Variants in TDRP observed in about 807,000 individuals in gnomAD.
The protein encoded by TDRP is testis development related protein.
A neutral mutation model predicts 10.5 loss-of-function variants in TDRP; 12 were observed. The ratio of observed to expected loss-of-function variants is 1.15; its 90% CI spans 0.73 to 1.86. The LOEUF is 1.86. TDRP is among the 40% of genes most tolerant of loss of function. The pLI is 0.00. For synonymous variants in TDRP, 139 were observed against 95.4 expected (o/e 1.46, Z -2.67); for missense variants, 353 against 229.2 (o/e 1.54, Z -3.49).
At chr8:525,377 A>T (rs1208024206) in intron 1 of TDRP, among the ~76,000 whole-genome samples, 1 of 152,208 alleles carries the variant, frequency 6.6e-6, no homozygotes, top group Non-Finnish European at 1.5e-5. Context: ...AAGGTACAAA[A>T]CTTACTGGTA....
chr8:506,675 G>C (rs1039647517), intron 1 of TDRP, among the ~76,000 whole-genome samples: 8 of 152,182 alleles, frequency 5.3e-5, no homozygotes, highest in South Asian at 2.1e-4. Flanking sequence ...GAGCAGGACT[G>C]TCACTCGGAG....
rs141869291 is a variant in TDRP at position 522,760 on chromosome 8, T to A, written c.108+21890A>T. On this transcript the variant is annotated intron_variant, in intron 1 of 2. Coordinates refer to ENST00000324079, the MANE Select transcript of TDRP (RefSeq NM_001384899.1). ...ACCCCTGCCTCTGATTCCTCAATTA[T>A]CCCACAGCAATTACATAGTCCTTCT... Among the ~76,000 whole-genome samples, 8 of 152,344 alleles carry A rather than the reference T, an allele frequency of 5.3e-5. No homozygotes were observed. The East Asian group carries it at 1.5e-3, about 29-fold the overall frequency.
At chr8:518,882 G>C (rs564679189) in intron 1 of TDRP, among the ~76,000 whole-genome samples, 1 of 152,084 alleles carries the variant, frequency 6.6e-6, no homozygotes, top group Non-Finnish European at 1.5e-5. Context: ...TCAATGTTTA[G>C]TCTTTATCCT....
At chr8:542,213 G>A (rs1584887965) in intron 1 of TDRP, among the ~76,000 whole-genome samples, 1 of 152,132 alleles carries the variant, frequency 6.6e-6, no homozygotes, top group African/African-American at 2.4e-5. Context: ...AAACTATGGC[G>A]ACAGTACAAA....
intron 1 of TDRP, among the ~76,000 whole-genome samples, chr8:533,452 T>G (rs1802262261): frequency 6.6e-6 from 1 of 152,112 alleles, no homozygotes. Context: ...AGGCACCAAC[T>G]CTGATCAGCA....
Position 544,768 on chromosome 8 carries a change from G to GCT in TDRP, c.-13_-12dup, listed in dbSNP as rs1446793683. The GCT allele has an allele frequency of 1.6e-6, 2 of 1,232,906 alleles. No individual in the cohort carries two copies. The highest frequency in any genetic ancestry group is 3.1e-5 in the African/African-American group (2 of 64,146). 76.4% of individuals were successfully genotyped at this position (1,232,906 alleles called of 1,614,324 possible). A position where few individuals can be genotyped will look rare whatever the true frequency, so the allele number is the denominator to read the frequency against. On this transcript the variant is annotated 5_prime_UTR_variant, in exon 1 of 3. Transcript: ENST00000324079. ...GCCCAGCTTCCACATGGTCAGGCGGGCTCCGGCGTCCCTCCGTCCGTGCGT... is the reference window on the plus strand; with the variant it reads ...GCCCAGCTTCCACATGGTCAGGCGGGCTCTCCGGCGTCCCTCCGTCCGTGCGT...
rs180863596 is a variant in TDRP at position 508,991 on chromosome 8, G to A, written c.109-14394C>T. 7.1e-4 allele frequency among the ~76,000 whole-genome samples: 108 copies of A among 152,340 alleles called. No homozygotes were observed. In the Middle Eastern group the frequency reaches 0.01, roughly 14 times the overall value. ...AGGCCCCATGCAGGTCCAAAATCCA[G>A]TGAGGCACTCATCACATCTTAAAGC... On this transcript the variant is annotated intron_variant, in intron 1 of 2. Transcript: ENST00000324079.
chr8:500,525 G>C (rs1036721477), intron 1 of TDRP, among the ~76,000 whole-genome samples: 1 of 152,164 alleles, frequency 6.6e-6, no homozygotes, highest in African/African-American at 2.4e-5. Context: ...ATCTAACCAA[G>C]TGACACTCTC....
chr8:491,405 T>G lies in TDRP; in HGVS notation c.*994A>C. On this transcript the variant is annotated 3_prime_UTR_variant, in exon 3 of 3. Coordinates refer to ENST00000324079, the MANE Select transcript of TDRP (RefSeq NM_001384899.1). ...GCACCTGATACTGTGCAGGATCACATTGTCAAGGACAGTAAGCAGACAGAA... is the reference window on the plus strand; with the variant it reads ...GCACCTGATACTGTGCAGGATCACAGTGTCAAGGACAGTAAGCAGACAGAA... 4.5e-6 allele frequency: 2 copies of G among 445,058 alleles called. No homozygotes were observed. Among genetic ancestry groups the G allele is most frequent in the Non-Finnish European group, 3.8e-6 (1 of 259,786 alleles). The allele number at this position is 445,058 out of a possible 1,614,324, so 27.6% of individuals were successfully genotyped here.
intron 1 of TDRP, among the ~76,000 whole-genome samples, chr8:525,769 C>A (rs748120074): frequency 2.6e-5 from 4 of 151,914 alleles, no homozygotes; most frequent in African/African-American, 7.3e-5. Context: ...AAGAAAAGAC[C>A]GCAGAACAAC....
chr8:505,863 G>A (rs1285162984), intron 1 of TDRP, among the ~76,000 whole-genome samples: 2 of 152,156 alleles, frequency 1.3e-5, no homozygotes, highest in African/African-American at 4.8e-5. Context: ...TCAGCACGTA[G>A]GCAGACACAC....
upstream of TDRP, chr8:544,924 C>G: frequency 2.6e-6 from 1 of 391,438 alleles, no homozygotes; most frequent in South Asian, 1.4e-4. Context: ...GCCCCCTCCC[C>G]ACCAGGCCCG....
chr8:531,913 G>T (rs1464979683), intron 1 of TDRP, among the ~76,000 whole-genome samples: 1 of 152,092 alleles, frequency 6.6e-6, no homozygotes, highest in African/African-American at 2.4e-5. Flanking sequence ...AGGAATGGGG[G>T]GATTTCAAGC....
intron 1 of TDRP, among the ~76,000 whole-genome samples, chr8:520,034 T>C (rs865958753): frequency 1.3e-5 from 2 of 152,212 alleles, no homozygotes; most frequent in Non-Finnish European, 2.9e-5. Flanking sequence ...CACAGCACGT[T>C]CAGAAGCTGT....
intron 1 of TDRP, among the ~76,000 whole-genome samples, chr8:504,894 A>G (rs902877454): frequency 6.6e-6 from 1 of 152,238 alleles, no homozygotes; most frequent in African/African-American, 2.4e-5. Context: ...ATCATTTCTC[A>G]TTCTGAAAAA....
At chr8:536,053 A>T (rs1802341895) in intron 1 of TDRP, among the ~76,000 whole-genome samples, 1 of 152,246 alleles carries the variant, frequency 6.6e-6, no homozygotes, top group South Asian at 2.1e-4. Context: ...AGTACACCTT[A>T]TCAATTAGGG....
At chr8:501,364 T>A (rs966189773) in intron 1 of TDRP, among the ~76,000 whole-genome samples, 11 of 151,824 alleles carry the variant, frequency 7.2e-5, no homozygotes, top group African/African-American at 2.2e-4. Context: ...TTTGTCTTTT[T>A]GAGATGGAGT....
In TDRP at chr8:491,802, C is replaced by G. The variant is rs917698598; in HGVS notation, c.*597G>C. On this transcript the variant is annotated 3_prime_UTR_variant, in exon 3 of 3. Coordinates refer to ENST00000324079, the MANE Select transcript of TDRP (RefSeq NM_001384899.1). ...AGTGGACATACAAGAAGCTATTCCTCCCTCAGCAAAAGATGAACATGCATT... is the reference window on the plus strand; with the variant it reads ...AGTGGACATACAAGAAGCTATTCCTGCCTCAGCAAAAGATGAACATGCATT... 8.0e-7 allele frequency: 1 copy of G among 1,256,590 alleles called. No individual in the cohort carries two copies. The highest frequency in any genetic ancestry group is 1.0e-6 in the Non-Finnish European group (1 of 1,002,610). 77.8% of individuals were successfully genotyped at this position (1,256,590 alleles called of 1,614,324 possible). A position where few individuals can be genotyped will look rare whatever the true frequency, so the allele number is the denominator to read the frequency against.
chr8:494,460 G>A, intron 2 of TDRP, 34 bp downstream of exon 2: 2 of 1,596,688 alleles, frequency 1.3e-6, no homozygotes, highest in Non-Finnish European at 1.7e-6. Flanking sequence ...TCCCTCTCCT[G>A]AAATGATCAT....
Sources: allele counts gnomAD v4.1 joint callset (sites outside exome capture counted in the v4.1 genomes callset), GRCh38; gene constraint gnomAD v4.1.1; transcripts MANE v1.5; gene names NCBI Gene and HGNC (gene_info 2026-07-23, HGNC 2026-07-21).